Variants in PALLD observed in about 807,000 individuals in gnomAD.
The protein encoded by PALLD is palladin, cytoskeletal associated protein.
In PALLD, 61 loss-of-function variants were observed where a neutral mutation model predicts 123.5. The observed-to-expected ratio is 0.49, with a 90% confidence interval of 0.40 to 0.61. The LOEUF is 0.61. Among genes scored for constraint, PALLD ranks in the 20% least tolerant of loss-of-function variants. The pLI is 0.00. For missense variants in PALLD, 1,273 were observed against 1,377.0 expected (o/e 0.92, Z 1.20); for synonymous variants, 465 against 496.4 (o/e 0.94, Z 0.84).
chr4:168,743,246 T>C (rs1788537533), intron 10 of PALLD, among the ~76,000 whole-genome samples: 1 of 152,222 alleles, frequency 6.6e-6, no homozygotes, highest in African/African-American at 2.4e-5. Context: ...ATGGGTGGAT[T>C]GAATTCATTG....
Position 168,925,021 on chromosome 4 carries a change from G to A in PALLD, c.3301G>A (p.Val1101Met), listed in dbSNP as rs368806050. Residue 1101 changes from valine to methionine, a missense_variant, in exon 20 of 22, where the codon GTG becomes ATG. Val to Met is a conservative substitution (Grantham distance 21). Coordinates refer to ENST00000505667, the MANE Select transcript of PALLD (RefSeq NM_001166108.2). Reference protein sequence around the residue: ...ATKEDAGWYTVSAKNEAGIVS... With the variant: ...ATKEDAGWYTMSAKNEAGIVS... ...AAAAGAAGATGCTGGGTGGTATACT[G>A]TGTCAGCCAAGAATGAAGCAGGGAT... 2 of 1,614,084 alleles carry A rather than the reference G, an allele frequency of 1.2e-6. No individual in the cohort carries two copies.
At chr4:168,847,526 T>G (rs1342061139) in intron 10 of PALLD, among the ~76,000 whole-genome samples, 1 of 152,244 alleles carries the variant, frequency 6.6e-6, no homozygotes, top group Non-Finnish European at 1.5e-5. Flanking sequence ...GTATTTATAT[T>G]TGTATAGTAA....
In PALLD at chr4:168,686,739, T is replaced by A. The variant is rs969115451; in HGVS notation, c.1335+1180T>A. 8 of 152,338 alleles carry A rather than the reference T, an allele frequency of 5.3e-5. No homozygotes were observed. In the East Asian group the frequency reaches 7.7e-4, roughly 15 times the overall value. 9.4% of individuals were successfully genotyped at this position (152,338 alleles called of 1,614,324 possible). On this transcript the variant is annotated intron_variant, in intron 6 of 21. Transcript: ENST00000505667. ...CACAGGTTCCTGGTTTTTAATTGTTTGTTTGATATGGAATTTAGCAACCTG... is the reference window on the plus strand; with the variant it reads ...CACAGGTTCCTGGTTTTTAATTGTTAGTTTGATATGGAATTTAGCAACCTG...
At chr4:168,846,507 G>C (rs887580515) in intron 10 of PALLD, among the ~76,000 whole-genome samples, 2 of 152,190 alleles carry the variant, frequency 1.3e-5, no homozygotes, top group African/African-American at 2.4e-5. Flanking sequence ...TTATGCGAGG[G>C]AGAGTAGGTA....
At chr4:168,736,698 C>T (rs184994627) in intron 10 of PALLD, among the ~76,000 whole-genome samples, 67 of 152,242 alleles carry the variant, frequency 4.4e-4, no homozygotes, top group East Asian at 1.4e-3. Context: ...ATCAGGATTC[C>T]GCCTGGGTGG....
chr4:168,926,720 C>T lies in PALLD; in HGVS notation c.*540C>T. On this transcript the variant is annotated 3_prime_UTR_variant, in exon 22 of 22. Transcript: ENST00000505667. ...TGTATTATCTACAAGTGCCTTTAAACACAAGATATAGGTGCTGTGTAGCCT... is the reference window on the plus strand; with the variant it reads ...TGTATTATCTACAAGTGCCTTTAAATACAAGATATAGGTGCTGTGTAGCCT... 3.2e-6 allele frequency: 1 copy of T among 315,956 alleles called. No individual in the cohort carries two copies. Among genetic ancestry groups the T allele is most frequent in the East Asian group, 5.1e-5 (1 of 19,704 alleles). The allele number at this position is 315,956 out of a possible 1,614,324, so 19.6% of individuals were successfully genotyped here.
intron 1 of PALLD, among the ~76,000 whole-genome samples, chr4:168,499,318 GACATGGAAGA>G (rs1761133258): frequency 1.3e-5 from 1 of 77,986 alleles, no homozygotes; most frequent in Non-Finnish European, 2.5e-5. Flanking sequence ...AAGGGAGGGA[GACATGGAAGA>G]AGGGGGAAGG....
At chr4:168,591,691 T>C (rs1433456960) in intron 2 of PALLD, among the ~76,000 whole-genome samples, 1 of 152,210 alleles carries the variant, frequency 6.6e-6, no homozygotes, top group Non-Finnish European at 1.5e-5. Context: ...CTTTTTAAAC[T>C]GTACTTTGAG....
chr4:168,797,929 C>T (rs1239253263), intron 10 of PALLD, among the ~76,000 whole-genome samples: 2 of 150,760 alleles, frequency 1.3e-5, no homozygotes, highest in African/African-American at 4.9e-5. Flanking sequence ...TTTGCAACTT[C>T]CCTTCTGATC....
chr4:168,585,614 G>A (rs1770735470), intron 2 of PALLD, among the ~76,000 whole-genome samples: 1 of 152,178 alleles, frequency 6.6e-6, no homozygotes, highest in African/African-American at 2.4e-5. Flanking sequence ...CCCCAGCGCA[G>A]GCACTGAGTG....
chr4:168,882,592 T>C (rs1429173536), intron 10 of PALLD, among the ~76,000 whole-genome samples: 1 of 152,162 alleles, frequency 6.6e-6, no homozygotes, highest in Admixed American at 6.5e-5. Flanking sequence ...TTTCTCCTAT[T>C]TTTCAGGAAA....
chr4:168,676,977 C>T (rs564453185), intron 3 of PALLD, among the ~76,000 whole-genome samples: 11 of 152,172 alleles, frequency 7.2e-5, no homozygotes, highest in African/African-American at 2.2e-4. Flanking sequence ...GCAGGATCGT[C>T]GGCGTGTGAT....
chr4:168,767,365 A>G (rs1466675092), intron 10 of PALLD, among the ~76,000 whole-genome samples: 1 of 152,066 alleles, frequency 6.6e-6, no homozygotes, highest in Non-Finnish European at 1.5e-5. Context: ...CCCCCTTTTC[A>G]CTATACAATT....
At chr4:168,681,475 G>C (rs1228014047) in intron 4 of PALLD, 77 bp downstream of exon 4, 3 of 941,226 alleles carry the variant, frequency 3.2e-6, no homozygotes, top group Admixed American at 1.7e-5. Context: ...AACCATGTTT[G>C]CTGTGCTTTG....
At chr4:168,579,919 A>T (rs1290822954) in intron 2 of PALLD, among the ~76,000 whole-genome samples, 1 of 152,052 alleles carries the variant, frequency 6.6e-6, no homozygotes, top group Non-Finnish European at 1.5e-5. Flanking sequence ...TACTCTCAGT[A>T]AACTTTAAAT....
intron 8 of PALLD, among the ~76,000 whole-genome samples, chr4:168,693,741 C>T (rs1375486583): frequency 6.6e-6 from 1 of 152,166 alleles, no homozygotes; most frequent in Admixed American, 6.6e-5. Context: ...TCCTGACCTA[C>T]GATGATTTCT....
chr4:168,779,837 C>T (rs1027020134), intron 10 of PALLD, among the ~76,000 whole-genome samples: 5 of 151,802 alleles, frequency 3.3e-5, no homozygotes, highest in Non-Finnish European at 5.9e-5. Flanking sequence ...CAAATTCTTT[C>T]TACTGTTCTT....
At chr4:168,704,309 T>G (rs113604771) in intron 8 of PALLD, among the ~76,000 whole-genome samples, 26,757 of 152,060 alleles carry the variant, frequency 0.18, 2,966 homozygotes, top group East Asian at 0.32. Flanking sequence ...TTACCATTCA[T>G]GACATAGGCA....
chr4:168,667,355 A>G (rs112010810), intron 2 of PALLD, among the ~76,000 whole-genome samples: 3 of 108,640 alleles, frequency 2.8e-5, no homozygotes, highest in African/African-American at 1.1e-4. Context: ...ATTTCTACAT[A>G]TTTCTTTAAA....
Sources: allele counts gnomAD v4.1 joint callset (sites outside exome capture counted in the v4.1 genomes callset), GRCh38; gene constraint gnomAD v4.1.1; transcripts MANE v1.5; gene names NCBI Gene and HGNC (gene_info 2026-07-23, HGNC 2026-07-21).